The following SEC22A variants were observed in gnomAD, a reference collection of about 807,000 sequenced individuals.
The protein encoded by SEC22A is vesicle-trafficking protein SEC22a.
A neutral mutation model predicts 35.3 loss-of-function variants in SEC22A; 22 were observed. The ratio of observed to expected loss-of-function variants is 0.62; its 90% CI spans 0.45 to 0.89. SEC22A has a LOEUF of 0.89. Among genes scored for constraint, SEC22A ranks in the 40% least tolerant of loss-of-function variants. SEC22A has a pLI of 0.00. For missense variants in SEC22A, 354 were observed against 362.5 expected (o/e 0.98, Z 0.19); for synonymous variants, 119 against 129.5 (o/e 0.92, Z 0.55).
chr3:123,262,057 A>C (rs553761650), intron 6 of SEC22A, among the ~76,000 whole-genome samples: 67 of 152,340 alleles, frequency 4.4e-4, no homozygotes, highest in Non-Finnish European at 8.5e-4. Flanking sequence ...GCAGGGTGAT[A>C]ATAATGCTGT....
chr3:123,202,351 C>T (rs988756469), intron 1 of SEC22A, among the ~76,000 whole-genome samples: 2 of 152,160 alleles, frequency 1.3e-5, no homozygotes, highest in Non-Finnish European at 2.9e-5. Flanking sequence ...GATTCCCTGG[C>T]GCCCAGGTGT....
At chr3:123,205,447 G>T (rs999057090) in intron 1 of SEC22A, among the ~76,000 whole-genome samples, 1 of 152,182 alleles carries the variant, frequency 6.6e-6, no homozygotes, top group Admixed American at 6.5e-5. Context: ...CCAGCACTTT[G>T]TGAGGCCGAC....
intron 6 of SEC22A, among the ~76,000 whole-genome samples, chr3:123,260,325 G>GTT (rs962383714): frequency 2.0e-5 from 3 of 152,058 alleles, no homozygotes; most frequent in Admixed American, 2.0e-4. Flanking sequence ...AGAATGGACT[G>GTT]TAAGAGCAGA....
chr3:123,202,714 C>T (rs1014227503), intron 1 of SEC22A, among the ~76,000 whole-genome samples: 2 of 152,174 alleles, frequency 1.3e-5, no homozygotes, highest in South Asian at 4.1e-4. Flanking sequence ...GGATCATCCA[C>T]CTGGGGCAGG....
At chr3:123,220,005 G>T (rs1029674817) in intron 2 of SEC22A, among the ~76,000 whole-genome samples, 1 of 152,162 alleles carries the variant, frequency 6.6e-6, no homozygotes, top group African/African-American at 2.4e-5. Flanking sequence ...ACACACTATA[G>T]CCTTTTCAGA....
At chr3:123,254,130 G>C (rs1348261500) in intron 5 of SEC22A, among the ~76,000 whole-genome samples, 3 of 151,890 alleles carry the variant, frequency 2.0e-5, no homozygotes, top group Non-Finnish European at 4.4e-5. Flanking sequence ...CATTTTAATA[G>C]TATCCTCCTA....
chr3:123,206,103 C>T (rs1936846920), intron 1 of SEC22A, among the ~76,000 whole-genome samples: 1 of 152,046 alleles, frequency 6.6e-6, no homozygotes, highest in South Asian at 2.1e-4. Flanking sequence ...TAAAATAATA[C>T]AGTCTACTTT....
At chr3:123,266,322 A>G (rs1184972340) in intron 6 of SEC22A, among the ~76,000 whole-genome samples, 3 of 151,888 alleles carry the variant, frequency 2.0e-5, no homozygotes, top group African/African-American at 7.3e-5. Context: ...TTTCTTCCAT[A>G]TGCCTGCTTT....
chr3:123,245,851 T>G, intron 4 of SEC22A, 48 bp from the exon 5 acceptor site: 1 of 1,035,896 alleles, frequency 9.7e-7, no homozygotes, highest in Non-Finnish European at 1.5e-6. Context: ...TAAGTTCATC[T>G]TTGTGAGGTA....
intron 4 of SEC22A, among the ~76,000 whole-genome samples, chr3:123,231,514 CAG>C (rs1229299021): frequency 2.6e-5 from 4 of 151,926 alleles, no homozygotes; most frequent in East Asian, 1.9e-4. Flanking sequence ...GAAGTGAAAA[CAG>C]AAAGAAATTT....
At chr3:123,258,078 T>A (rs775176364) in intron 5 of SEC22A, among the ~76,000 whole-genome samples, 1 of 151,784 alleles carries the variant, frequency 6.6e-6, no homozygotes, top group South Asian at 2.1e-4. Context: ...AAAACTATAG[T>A]ATCCAATTGT....
At chr3:123,249,615 C>G (rs1001030923) in intron 5 of SEC22A, among the ~76,000 whole-genome samples, 6 of 152,124 alleles carry the variant, frequency 3.9e-5, no homozygotes, top group African/African-American at 1.4e-4. Flanking sequence ...GCCTCTGCCT[C>G]CCAGGTTCAA....
chr3:123,222,939 C>T (rs1468675664), intron 2 of SEC22A, among the ~76,000 whole-genome samples: 1 of 152,222 alleles, frequency 6.6e-6, no homozygotes, highest in Non-Finnish European at 1.5e-5. Flanking sequence ...ATTGCTAGCA[C>T]TTCCTCTACG....
chr3:123,264,300 A>C (rs746818942), intron 6 of SEC22A, among the ~76,000 whole-genome samples: 58 of 152,362 alleles, frequency 3.8e-4, no homozygotes, highest in Admixed American at 1.2e-3. Flanking sequence ...TTTTGTGCAG[A>C]CATAAGTCTT....
chr3:123,257,734 T>A (rs934516923), intron 5 of SEC22A, among the ~76,000 whole-genome samples: 9 of 152,018 alleles, frequency 5.9e-5, no homozygotes, highest in African/African-American at 2.2e-4. Flanking sequence ...CTCACGCCTG[T>A]AATCCCAGCA....
chr3:123,254,457 C>T (rs1937675652), intron 5 of SEC22A, among the ~76,000 whole-genome samples: 1 of 152,098 alleles, frequency 6.6e-6, no homozygotes, highest in African/African-American at 2.4e-5. Context: ...TCTTCTTCCT[C>T]TCCTCTGCCT....
intron 1 of SEC22A, among the ~76,000 whole-genome samples, chr3:123,203,053 CTTTTTTTTT>C (rs779433710): frequency 6.6e-4 from 29 of 43,832 alleles, no homozygotes; most frequent in African/African-American, 2.2e-3. Context: ...TGTTTAGTGC[CTTTTTTTTT>C]TTTTTTTTTT....
chr3:123,247,272 G>A (rs974572068), intron 5 of SEC22A, among the ~76,000 whole-genome samples: 1 of 152,122 alleles, frequency 6.6e-6, no homozygotes, highest in Non-Finnish European at 1.5e-5. Flanking sequence ...GTAGTATAGG[G>A]GTATGAAGAG....
chr3:123,257,588 A>G (rs901604473), intron 5 of SEC22A, among the ~76,000 whole-genome samples: 1 of 152,166 alleles, frequency 6.6e-6, no homozygotes, highest in African/African-American at 2.4e-5. Flanking sequence ...AATCCCAGCT[A>G]CTTGGGAGGC....
Sources: gnomAD v4.1 joint callset for allele counts (sites outside exome capture counted in the v4.1 genomes callset) on GRCh38, gnomAD v4.1.1 for gene constraint, MANE v1.5 for transcripts, NCBI Gene and HGNC (gene_info 2026-07-23, HGNC 2026-07-21) for gene names.